The following POFUT2 variants were observed in gnomAD, a reference collection of about 807,000 sequenced individuals.
POFUT2 encodes GDP-fucose protein O-fucosyltransferase 2.
A neutral mutation model predicts 55.0 loss-of-function variants in POFUT2; 30 were observed. The ratio of observed to expected loss-of-function variants is 0.55; its 90% CI spans 0.41 to 0.74. The LOEUF (loss-of-function observed/expected upper bound fraction) is 0.74, where lower values mean the gene tolerates loss of function less well. Ranked by LOEUF, POFUT2 falls within the 30% of genes least tolerant of loss-of-function variation. POFUT2 has a pLI of 0.00. For synonymous variants in POFUT2, 267 were observed against 231.1 expected (o/e 1.16, Z -1.41); for missense variants, 524 against 562.6 (o/e 0.93, Z 0.69).
rs1001034887 is a variant in POFUT2 at position 45,277,546 on chromosome 21, C to T, written c.706-404G>A. 7 of 241,472 alleles carry T rather than the reference C, an allele frequency of 2.9e-5. No homozygotes were observed. Among genetic ancestry groups the T allele is most frequent in the South Asian group, 5.6e-5 (1 of 17,900 alleles). 15.0% of individuals were successfully genotyped at this position (241,472 alleles called of 1,614,324 possible). On this transcript the variant is annotated intron_variant, in intron 5 of 8. Coordinates refer to ENST00000349485, the MANE Select transcript of POFUT2 (RefSeq NM_133635.6). The surrounding 1 kb of genome is among the most constrained non-coding windows in gnomAD (Gnocchi z 6.9). Reference sequence around the variant, plus strand: ...TGGGACTGACCTGCACAAAGTCCCACGTGAGCAGGGACTGTGTCTCCTGCA... The same window carrying T: ...TGGGACTGACCTGCACAAAGTCCCATGTGAGCAGGGACTGTGTCTCCTGCA...
chr21:45,275,354 A>T (rs1308558785), intron 6 of POFUT2, among the ~76,000 whole-genome samples: 1 of 145,192 alleles, frequency 6.9e-6, no homozygotes, highest in Non-Finnish European at 1.5e-5. Flanking sequence ...TGTGGAAAAC[A>T]GTGTGGAGAT....
At chr21:45,283,564 C>A (rs756038367) in intron 2 of POFUT2, 37 bp from the exon 3 acceptor site, 2 of 1,608,410 alleles carry the variant, frequency 1.2e-6, no homozygotes, top group Non-Finnish European at 1.7e-6. Context: ...AGTGTGACAG[C>A]GATCAGAAGC....
chr21:45,286,022 C>G (rs2031368987), intron 1 of POFUT2, 94 bp from the exon 2 acceptor site: 2 of 1,118,980 alleles, frequency 1.8e-6, no homozygotes, highest in South Asian at 3.0e-5. Context: ...TGGCCCGACT[C>G]TAGGCACTTA....
At chr21:45,280,252 T>C (rs1007290702) in intron 4 of POFUT2, among the ~76,000 whole-genome samples, 2 of 152,228 alleles carry the variant, frequency 1.3e-5, no homozygotes, top group African/African-American at 4.8e-5. Context: ...GGACTGTCTT[T>C]GACCTTCATG....
At position 45,281,721 on chromosome 21, in the gene POFUT2, C is replaced by T. The variant is rs1040217742; in HGVS notation, c.638+628G>A. Among the ~76,000 whole-genome samples the T allele has an allele frequency of 8.5e-5, 13 of 152,134 alleles. No homozygotes were observed. Among genetic ancestry groups the T allele is most frequent in the Non-Finnish European group, 1.8e-4 (12 of 68,004 alleles). ...CTATGGGAGACGCTCACAGTGCCTG[C>T]TGGGGGATTCAGAAGACCCAAGGGA... On this transcript the variant is annotated intron_variant, in intron 4 of 8. Coordinates refer to ENST00000349485, the MANE Select transcript of POFUT2 (RefSeq NM_133635.6). This position sits in a 1 kb window ranked among gnomAD's most constrained non-coding sequence, Gnocchi z 5.0.
intron 1 of POFUT2, among the ~76,000 whole-genome samples, chr21:45,287,443 CT>C: frequency 1.7e-5 from 1 of 57,772 alleles, no homozygotes; most frequent in African/African-American, 8.3e-5. Flanking sequence ...CCCCTGCCCC[CT>C]GCCCCTATAC....
At chr21:45,275,200 G>A (rs888754570) in intron 6 of POFUT2, among the ~76,000 whole-genome samples, 1 of 152,184 alleles carries the variant, frequency 6.6e-6, no homozygotes, top group Non-Finnish European at 1.5e-5. Context: ...TCAGGGAAAT[G>A]CAAATGAAAA....
At chr21:45,272,802 T>C (rs185750345) in intron 6 of POFUT2, among the ~76,000 whole-genome samples, 12 of 152,294 alleles carry the variant, frequency 7.9e-5, no homozygotes, top group Non-Finnish European at 1.3e-4. Context: ...TCCTGATCTT[T>C]GGGTCAACAA....
At position 45,267,985 on chromosome 21, in the gene POFUT2, T is replaced by TCTGCCTCTCCCTCTCCCC. The variant is rs1182565088; in HGVS notation, c.1013-273_1013-272insGGGGAGAGGGAGAGGCAG. ...GAAACGTGCTCCCTCTCCCTCTCCT[T>TCTGCCTCTCCCTCTCCCC]CTCCCTCTCCCTCTCCCCACGGTCT... On this transcript the variant is annotated intron_variant, in intron 7 of 8. Transcript: ENST00000349485. This position sits in a 1 kb window ranked among gnomAD's most constrained non-coding sequence, Gnocchi z 4.4. Among the ~76,000 whole-genome samples the TCTGCCTCTCCCTCTCCCC allele has an allele frequency of 6.7e-6, 1 of 148,524 alleles. No homozygotes were observed. The highest frequency in any genetic ancestry group is 2.4e-5 in the African/African-American group (1 of 41,152).
intron 7 of POFUT2, among the ~76,000 whole-genome samples, chr21:45,269,533 T>C (rs2093198190): frequency 6.6e-6 from 1 of 152,056 alleles, no homozygotes; most frequent in Non-Finnish European, 1.5e-5. Flanking sequence ...CCACTCAGGG[T>C]TAAATGGATT....
At position 45,281,542 on chromosome 21, in the gene POFUT2, C is replaced by T. The variant is rs1010427257; in HGVS notation, c.638+807G>A. Among the ~76,000 whole-genome samples the T allele has an allele frequency of 2.6e-5, 4 of 152,116 alleles. No homozygotes were observed. The highest frequency in any genetic ancestry group is 2.6e-4 in the Admixed American group (4 of 15,278). Reference sequence around the variant, plus strand: ...GGTCCCGGCCCGCTGGGGCCAGCGGCAGCTGTTACTGACCAGGGTGATACC... The same window carrying T: ...GGTCCCGGCCCGCTGGGGCCAGCGGTAGCTGTTACTGACCAGGGTGATACC... On this transcript the variant is annotated intron_variant, in intron 4 of 8. Transcript: ENST00000349485. The surrounding 1 kb of genome is among the most constrained non-coding windows in gnomAD (Gnocchi z 5.0).
rs1396268595 is a variant in POFUT2 at position 45,277,421 on chromosome 21, C to T, written c.706-279G>A. The T allele has an allele frequency of 6.7e-6, 3 of 445,514 alleles. No individual in the cohort carries two copies. The highest frequency in any genetic ancestry group is 7.4e-5 in the Admixed American group (2 of 26,962). 27.6% of individuals were successfully genotyped at this position (445,514 alleles called of 1,614,324 possible). ...ACACACTGGGCTCAGCTGGCCGTTG[C>T]CCCTGGCTGGCACAACTGTGTGCAG... On this transcript the variant is annotated intron_variant, in intron 5 of 8. Coordinates refer to ENST00000349485, the MANE Select transcript of POFUT2 (RefSeq NM_133635.6). This position sits in a 1 kb window ranked among gnomAD's most constrained non-coding sequence, Gnocchi z 6.9.
intron 4 of POFUT2, among the ~76,000 whole-genome samples, chr21:45,279,546 G>C (rs564320999): frequency 6.6e-6 from 1 of 152,322 alleles, no homozygotes; most frequent in East Asian, 1.9e-4. Flanking sequence ...CACACGAACA[G>C]AGCAAGGATT....
At chr21:45,271,890 TAAAG>T (rs770886756) in intron 6 of POFUT2, among the ~76,000 whole-genome samples, 2 of 152,210 alleles carry the variant, frequency 1.3e-5, no homozygotes, top group East Asian at 1.9e-4. Context: ...CAAGAAATGT[TAAAG>T]AAGTTCTAAA....
At chr21:45,287,676 C>CCAACCAA in intron 1 of POFUT2, 65 bp downstream of exon 1, 20 of 1,181,472 alleles carry the variant, frequency 1.7e-5, no homozygotes, top group Non-Finnish European at 1.9e-5. Flanking sequence ...GCCCCGCCCC[C>CCAACCAA]ATCCCATCCT....
At chr21:45,268,938 C>T (rs1412705457) in intron 7 of POFUT2, among the ~76,000 whole-genome samples, 1,155 of 99,350 alleles carry the variant, frequency 0.012, 104 homozygotes, top group Non-Finnish European at 0.018. Flanking sequence ...CCTGGCCAGC[C>T]GCCCCGTCCG....
Position 45,285,413 on chromosome 21 carries a change from G to T in POFUT2, c.382+265C>A. ...GTGGCCGCTTTCTTAGGGTGTAAGG[G>T]CGGCTCTAACTGAGGGGGCACAAAG... is the stretch of plus-strand genomic sequence containing the variant. On this transcript the variant is annotated intron_variant, in intron 2 of 8. Coordinates refer to ENST00000349485, the MANE Select transcript of POFUT2 (RefSeq NM_133635.6). The surrounding 1 kb of genome is among the most constrained non-coding windows in gnomAD (Gnocchi z 4.9). 2.1e-6 allele frequency: 1 copy of T among 478,768 alleles called. No homozygotes were observed. Among genetic ancestry groups the T allele is most frequent in the Non-Finnish European group, 4.0e-6 (1 of 251,784 alleles). 29.7% of individuals were successfully genotyped at this position (478,768 alleles called of 1,614,324 possible). A position where few individuals can be genotyped will look rare whatever the true frequency, so the allele number is the denominator to read the frequency against.
rs115319628 is a variant in POFUT2 at position 45,281,460 on chromosome 21, C to T, written c.638+889G>A. Among the ~76,000 whole-genome samples, 821 of 152,308 alleles carry T rather than the reference C, an allele frequency of 5.4e-3. 4 individuals are homozygous for T. The highest frequency in any genetic ancestry group is 0.019 in the African/African-American group (781 of 41,566). ...CCGGGCTGGCTGAGCAGCAGACACG[C>T]GGGCCTGTGATGGAGCCACCTGCCT... On this transcript the variant is annotated intron_variant, in intron 4 of 8. Transcript: ENST00000349485. The surrounding 1 kb of genome is among the most constrained non-coding windows in gnomAD (Gnocchi z 5.0).
In POFUT2 at chr21:45,267,860, A is replaced by T; in HGVS notation, c.1013-147T>A. On this transcript the variant is annotated intron_variant, in intron 7 of 8. Transcript: ENST00000349485. This position sits in a 1 kb window ranked among gnomAD's most constrained non-coding sequence, Gnocchi z 4.4. ...AGGTGCAGACACACAACTCAGCTTT[A>T]CCCTCCCAGGAATTACAGTTGAAGA... The T allele has an allele frequency of 1.4e-6, 1 of 699,774 alleles. No homozygotes were observed. The highest frequency in any genetic ancestry group is 2.5e-5 in the East Asian group (1 of 39,812). The allele number at this position is 699,774 out of a possible 1,614,324, so 43.3% of individuals were successfully genotyped here. A position where few individuals can be genotyped will look rare whatever the true frequency, so the allele number is the denominator to read the frequency against.
Sources: allele counts gnomAD v4.1 joint callset (sites outside exome capture counted in the v4.1 genomes callset), GRCh38; gene constraint gnomAD v4.1.1; non-coding constraint Gnocchi (gnomAD v3.1); transcripts MANE v1.5; gene names NCBI Gene and HGNC (gene_info 2026-07-23, HGNC 2026-07-21).